PDS5B: variants seen among roughly 807,000 people sequenced by gnomAD.
The protein encoded by PDS5B is sister chromatid cohesion protein PDS5 homolog B.
In PDS5B, 51 loss-of-function variants were observed where a neutral mutation model predicts 184.1. The ratio of observed to expected loss-of-function variants is 0.28; its 90% CI spans 0.22 to 0.35. The LOEUF (loss-of-function observed/expected upper bound fraction) is 0.35, where lower values mean the gene tolerates loss of function less well. Among genes scored for constraint, PDS5B ranks in the 10% least tolerant of loss-of-function variants. The pLI is 1.00. For synonymous variants in PDS5B, 566 were observed against 569.2 expected, an observed-to-expected ratio of 0.99 and a Z score of 0.08; for missense variants, 1,180 against 1,723.3, an observed-to-expected ratio of 0.68 and a Z score of 5.58.
chr13:32,758,354 G>A (rs1390967512), intron 27 of PDS5B, 135 bp downstream of exon 27: 2 of 942,866 alleles, frequency 2.1e-6, no homozygotes, highest in Non-Finnish European at 3.1e-6. Flanking sequence ...CGTAGAATTA[G>A]CAGTAATTTT....
At chr13:32,692,414 C>CGTTTTTT (rs1593440334) in intron 13 of PDS5B, among the ~76,000 whole-genome samples, 1 of 69,124 alleles carries the variant, frequency 1.4e-5, no homozygotes. Flanking sequence ...GTCCAAAAAG[C>CGTTTTTT]CTTTTTTTTT....
chr13:32,608,068 G>T (rs148595576), intron 1 of PDS5B, among the ~76,000 whole-genome samples: 16 of 152,200 alleles, frequency 1.1e-4, no homozygotes, highest in Non-Finnish European at 2.4e-4. Flanking sequence ...ACAAGCCCCA[G>T]TGAGATGAAC....
intron 17 of PDS5B, among the ~76,000 whole-genome samples, chr13:32,704,557 G>A (rs543953497): frequency 3.3e-4 from 51 of 152,330 alleles, no homozygotes; most frequent in African/African-American, 1.1e-3. Flanking sequence ...GTAGATAGTT[G>A]TATGAACTCC....
At chr13:32,676,567 C>G (rs1032116840) in intron 9 of PDS5B, among the ~76,000 whole-genome samples, 2 of 152,114 alleles carry the variant, frequency 1.3e-5, no homozygotes, top group South Asian at 4.1e-4. Context: ...GAAACCCGCT[C>G]TGACTCAGAA....
At chr13:32,715,642 C>G (rs1952361171) in intron 19 of PDS5B, among the ~76,000 whole-genome samples, 2 of 151,516 alleles carry the variant, frequency 1.3e-5, no homozygotes, top group Admixed American at 1.3e-4. Context: ...TCTCCCTCTC[C>G]CTATCCCTCT....
At chr13:32,740,101 T>C (rs1953486718) in intron 21 of PDS5B, among the ~76,000 whole-genome samples, 1 of 152,218 alleles carries the variant, frequency 6.6e-6, no homozygotes, top group Non-Finnish European at 1.5e-5. Context: ...TTTGGAAGCT[T>C]TCTGTCTTGA....
At chr13:32,762,849 A>G (rs1954455955) in intron 30 of PDS5B, among the ~76,000 whole-genome samples, 1 of 152,080 alleles carries the variant, frequency 6.6e-6, no homozygotes. Context: ...CTGCTAGATA[A>G]TCCTTTAAAA....
At chr13:32,735,825 A>T (rs868132162) in intron 21 of PDS5B, among the ~76,000 whole-genome samples, 4 of 152,290 alleles carry the variant, frequency 2.6e-5, no homozygotes, top group South Asian at 2.1e-4. Flanking sequence ...CTGGAGAATT[A>T]AAAGAAACAT....
At chr13:32,602,394 A>C (rs1177502487) in intron 1 of PDS5B, among the ~76,000 whole-genome samples, 1 of 152,184 alleles carries the variant, frequency 6.6e-6, no homozygotes, top group East Asian at 1.9e-4. Flanking sequence ...GATGGTTTCC[A>C]GCTTCATCCA....
chr13:32,736,560 C>T (rs914915987), intron 21 of PDS5B, among the ~76,000 whole-genome samples: 1 of 151,892 alleles, frequency 6.6e-6, no homozygotes, highest in African/African-American at 2.4e-5. Flanking sequence ...CATTGGTTTC[C>T]AGTTTTACTA....
rs893137275 is a variant in PDS5B at position 32,687,202 on chromosome 13, A to G, written c.1272A>G (p.Ala424=). 1.9e-6 allele frequency: 3 copies of G among 1,610,002 alleles called. No individual in the cohort carries two copies. Among genetic ancestry groups the G allele is most frequent in the Non-Finnish European group, 2.5e-6 (3 of 1,178,078 alleles). The stretch of plus-strand genomic sequence containing the variant: ...ATAAGAAATATGCTTTACAGTCAGC[A>G]GCTGGAAAAGATGCTGCAAAACAGA... ...QIYKKYALQS[A]AGKDAAKQIA... is the part of the protein sequence containing the mutation. The change falls in exon 12 of 35, where the codon GCA becomes GCG. Residue 424 remains alanine (A), a synonymous_variant. Transcript: ENST00000315596.
intron 9 of PDS5B, among the ~76,000 whole-genome samples, chr13:32,676,396 G>T (rs907767686): frequency 2.9e-4 from 44 of 152,122 alleles, no homozygotes; most frequent in African/African-American, 9.4e-4. Context: ...GTATTACTCA[G>T]TTAAAGGAAA....
chr13:32,761,847 G>A (rs1231509911), intron 30 of PDS5B, among the ~76,000 whole-genome samples: 1 of 152,130 alleles, frequency 6.6e-6, no homozygotes. Context: ...GGATCAAATG[G>A]TAGTTCTGTT....
At chr13:32,741,365 G>A (rs1953543539) in intron 22 of PDS5B, among the ~76,000 whole-genome samples, 2 of 152,102 alleles carry the variant, frequency 1.3e-5, no homozygotes, top group Admixed American at 6.5e-5. Flanking sequence ...GAGAAAAAAA[G>A]GTTTGAAAGC....
intron 19 of PDS5B, among the ~76,000 whole-genome samples, chr13:32,717,910 C>T (rs1235961806): frequency 2.9e-5 from 4 of 139,288 alleles, no homozygotes; most frequent in South Asian, 4.6e-4. Context: ...CCCACCCCCC[C>T]AAAAAAAAAC....
intron 14 of PDS5B, among the ~76,000 whole-genome samples, chr13:32,695,714 C>T (rs908206493): frequency 6.6e-6 from 1 of 151,922 alleles, no homozygotes; most frequent in African/African-American, 2.4e-5. Context: ...TTTTGATTCT[C>T]ACTGTTCCTC....
Position 32,710,072 on chromosome 13 carries a change from A to G in PDS5B, c.2089A>G (p.Ser697Gly), listed in dbSNP as rs779006241. The G allele has an allele frequency of 8.5e-6, 13 of 1,532,216 alleles. No homozygotes were observed. In the African/African-American group the frequency reaches 1.1e-4, roughly 13 times the overall value. 94.9% of individuals were successfully genotyped at this position (1,532,216 alleles called of 1,614,324 possible). ...AALQIFKNTGSKIEEDFPHIR... is the reference protein window; with the variant it reads ...AALQIFKNTGGKIEEDFPHIR... The stretch of plus-strand genomic sequence containing the variant: ...ACTACAAATTTTCAAAAACACAGGA[A>G]GCAAAATTGAAGAGGATTTTCCACA... Residue 697 changes from serine (S) to glycine (G), a missense_variant, in exon 19 of 35, where the codon AGC (serine) becomes GGC (glycine). Ser to Gly is a moderately conservative substitution (Grantham distance 56). Transcript: ENST00000315596.
chr13:32,611,815 G>C (rs1007776342), intron 1 of PDS5B, among the ~76,000 whole-genome samples: 2 of 151,736 alleles, frequency 1.3e-5, no homozygotes, highest in Non-Finnish European at 2.9e-5. Flanking sequence ...GGTTCTCACT[G>C]CCCCCGCCCC....
At chr13:32,594,921 C>T (rs2057835572) in intron 1 of PDS5B, among the ~76,000 whole-genome samples, 1 of 152,048 alleles carries the variant, frequency 6.6e-6, no homozygotes. Context: ...GTCTTGGTTT[C>T]ATCCCTGTTA....
Sources: gnomAD v4.1 joint callset for allele counts (sites outside exome capture counted in the v4.1 genomes callset) on GRCh38, gnomAD v4.1.1 for gene constraint, MANE v1.5 for transcripts, NCBI Gene and HGNC (gene_info 2026-07-23, HGNC 2026-07-21) for gene names.